Variants in EEIG2 observed in about 807,000 individuals in gnomAD.
EEIG2 encodes EEIG family member 2.
At chr1:108,581,564 G>T in the EEIG2 span, among the ~76,000 whole-genome samples, 8 of 152,280 alleles carry the variant, frequency 5.3e-5, no homozygotes, top group African/African-American at 1.2e-4. Context: ...GGAAGAAGTT[G>T]ATTTCGGTCC....
At chr1:108,574,799 A>G in the EEIG2 span, among the ~76,000 whole-genome samples, 388 of 152,324 alleles carry the variant, frequency 2.5e-3, 4 homozygotes, top group African/African-American at 8.8e-3. Context: ...TTTTACCACA[A>G]TTTTTTAAAT....
the EEIG2 span, among the ~76,000 whole-genome samples, chr1:108,562,359 G>A: frequency 1.4e-4 from 21 of 152,284 alleles, no homozygotes; most frequent in African/African-American, 3.6e-4. Flanking sequence ...AGTATCTTGG[G>A]TTAAACTCAC....
the EEIG2 span, among the ~76,000 whole-genome samples, chr1:108,586,199 C>T: frequency 6.6e-6 from 1 of 151,912 alleles, no homozygotes; most frequent in South Asian, 2.1e-4. Context: ...CAGAAGACTC[C>T]AGGAGTTTTT....
the EEIG2 span, among the ~76,000 whole-genome samples, chr1:108,623,642 G>A: frequency 3.3e-5 from 5 of 152,228 alleles, no homozygotes; most frequent in African/African-American, 1.2e-4. Context: ...ACCCATAAAT[G>A]TATATACCTA....
At chr1:108,622,175 A>C in the EEIG2 span, among the ~76,000 whole-genome samples, 1 of 152,204 alleles carries the variant, frequency 6.6e-6, no homozygotes, top group African/African-American at 2.4e-5. Flanking sequence ...AAAAGAAAGG[A>C]GAAAGAAAAT....
chr1:108,594,993 T>TA, the EEIG2 span, among the ~76,000 whole-genome samples: 4 of 151,750 alleles, frequency 2.6e-5, no homozygotes, highest in East Asian at 1.9e-4. Flanking sequence ...GTTTGTTTCT[T>TA]AAAAAAAAAT....
At chr1:108,609,553 G>A in the EEIG2 span, among the ~76,000 whole-genome samples, 4 of 152,250 alleles carry the variant, frequency 2.6e-5, no homozygotes, top group East Asian at 1.9e-4. Flanking sequence ...AAGAAAATCC[G>A]AGAGACAGCA....
chr1:108,585,771 G>C, the EEIG2 span, among the ~76,000 whole-genome samples: 1 of 152,096 alleles, frequency 6.6e-6, no homozygotes, highest in Non-Finnish European at 1.5e-5. Flanking sequence ...AAGACAACCA[G>C]AGCAGAGCCT....
the EEIG2 span, chr1:108,612,351 C>T: frequency 2.6e-6 from 3 of 1,151,434 alleles, no homozygotes; most frequent in South Asian, 1.3e-5. Flanking sequence ...TTTAAATAAG[C>T]GTATGTATAT....
chr1:108,591,340 C>T, the EEIG2 span, among the ~76,000 whole-genome samples: 2 of 152,242 alleles, frequency 1.3e-5, no homozygotes, highest in Non-Finnish European at 2.9e-5. Context: ...CAAAAAAAAT[C>T]TGAGTAATTG....
chr1:108,604,706 C>CA, the EEIG2 span, among the ~76,000 whole-genome samples: 1 of 151,914 alleles, frequency 6.6e-6, no homozygotes, highest in Non-Finnish European at 1.5e-5. Context: ...TTGGCTTTAA[C>CA]AAAATGAAGA....
At chr1:108,562,557 G>A in the EEIG2 span, among the ~76,000 whole-genome samples, 2 of 152,148 alleles carry the variant, frequency 1.3e-5, no homozygotes, top group African/African-American at 2.4e-5. Flanking sequence ...TTTGGAATGC[G>A]GTGAGTCTAA....
chr1:108,610,379 G>A, the EEIG2 span, among the ~76,000 whole-genome samples: 1 of 152,134 alleles, frequency 6.6e-6, no homozygotes, highest in Non-Finnish European at 1.5e-5. Context: ...GGATGTCACT[G>A]GCAGTAAAAG....
chr1:108,606,956 C>T, the EEIG2 span, among the ~76,000 whole-genome samples: 1 of 152,178 alleles, frequency 6.6e-6, no homozygotes, highest in Non-Finnish European at 1.5e-5. Flanking sequence ...AACCACCATG[C>T]CTAGCCCCTG....
the EEIG2 span, chr1:108,637,411 GC>G: frequency 6.6e-6 from 1 of 151,936 alleles, no homozygotes. Context: ...GCTAAGGGTT[GC>G]CTAAGTGTCT....
the EEIG2 span, among the ~76,000 whole-genome samples, chr1:108,618,860 T>C: frequency 2.0e-5 from 3 of 151,910 alleles, no homozygotes; most frequent in African/African-American, 4.8e-5. Flanking sequence ...AATCAATTCT[T>C]GATTAAAACC....
chr1:108,615,738 C>A, the EEIG2 span, among the ~76,000 whole-genome samples: 2 of 151,314 alleles, frequency 1.3e-5, no homozygotes, highest in Non-Finnish European at 2.9e-5. Flanking sequence ...TGTGATAGCA[C>A]CACTGCACTT....
chr1:108,612,183 C>A, the EEIG2 span: 4 of 1,609,190 alleles, frequency 2.5e-6, no homozygotes, highest in South Asian at 3.3e-5. Flanking sequence ...CATAGCTGGG[C>A]TTTGCAGATC....
At chr1:108,628,943 C>A in the EEIG2 span, 2 of 684,894 alleles carry the variant, frequency 2.9e-6, no homozygotes. Flanking sequence ...ATAAAAATAT[C>A]AAGATAACTT....
Sources: allele counts gnomAD v4.1 joint callset (sites outside exome capture counted in the v4.1 genomes callset), GRCh38; gene constraint gnomAD v4.1.1; transcripts MANE v1.5; gene names NCBI Gene and HGNC (gene_info 2026-07-23, HGNC 2026-07-21).